FAM161A: variants seen among roughly 807,000 people sequenced by gnomAD.
FAM161A encodes FAM161 centrosomal protein A, also known as protein FAM161A.
A neutral mutation model predicts 70.9 loss-of-function variants in FAM161A; 57 were observed. The ratio of observed to expected loss-of-function variants is 0.80; its 90% confidence interval spans 0.65 to 1.00. FAM161A has a LOEUF of 1.00. FAM161A is among the 50% of genes least tolerant of loss of function. FAM161A has a pLI of 0.00. For missense variants in FAM161A, 880 were observed against 836.0 expected (o/e 1.05, Z -0.65); for synonymous variants, 299 against 295.7 (o/e 1.01, Z -0.12).
chr2:61,810,076 T>C, the FAM161A span, among the ~76,000 whole-genome samples: 1 of 152,190 alleles, frequency 6.6e-6, no homozygotes, highest in African/African-American at 2.4e-5. Context: ...GTCACCCAGT[T>C]GAGTCCAGCC....
chr2:61,848,680 T>C (rs1476080988), intron 1 of FAM161A, among the ~76,000 whole-genome samples: 1 of 149,224 alleles, frequency 6.7e-6, no homozygotes, highest in Non-Finnish European at 1.5e-5. Context: ...ACCTGTAATT[T>C]TTGAAAAAAT....
the FAM161A span, among the ~76,000 whole-genome samples, chr2:61,804,772 A>AAGAAAGAAAGAAAG: frequency 4.7e-5 from 6 of 126,818 alleles, no homozygotes; most frequent in African/African-American, 1.6e-4. Context: ...AAGAAAGAGA[A>AAGAAAGAAAGAAAG]AGAAAGAAAG....
In FAM161A at chr2:61,839,437, G is replaced by A. The variant is rs202193201; in HGVS notation, c.1567C>T (p.Arg523Ter). The change falls in exon 3 of 7, where the codon CGA becomes TGA. Residue 523 changes from arginine (R) to a stop codon, truncating the protein, a stop_gained. Coordinates refer to ENST00000404929, the MANE Select transcript of FAM161A (RefSeq NM_001201543.2). LOFTEE classifies it high-confidence loss of function. ...PPVPTVSSRG[R>*]EQAVRRSLEE... is the part of the protein sequence containing the mutation. ...CTTACTTACCTTACGGCTTGTTCTC[G>A]TCCTCTGGAAGATACCGTGGGCACG... 63 of 1,614,124 alleles carry A rather than the reference G, an allele frequency of 3.9e-5. No homozygotes were observed. Among genetic ancestry groups the A allele is most frequent in the Admixed American group, 6.7e-5 (4 of 60,010 alleles).
Position 61,825,106 on chromosome 2 carries a change from T to A in FAM161A, c.*1349A>T, listed in dbSNP as rs886056214. ...CCAGTTTGGAAACACTGCTATTACA[T>A]ACACCTGTATTAGTTCATCCTTTTA... On this transcript the variant is annotated 3_prime_UTR_variant, in exon 7 of 7. Coordinates refer to ENST00000404929, the MANE Select transcript of FAM161A (RefSeq NM_001201543.2). 1 of 452,854 alleles carries A rather than the reference T, an allele frequency of 2.2e-6. No homozygotes were observed. The highest frequency in any genetic ancestry group is 2.4e-5 in the Admixed American group (1 of 42,414). 28.1% of individuals were successfully genotyped at this position (452,854 alleles called of 1,614,324 possible).
rs759193616 is a variant in FAM161A at position 61,839,860 on chromosome 2, G to C, written c.1144C>G (p.Leu382Val). 1.2e-6 allele frequency: 2 copies of C among 1,614,210 alleles called. No homozygotes were observed. The highest frequency in any genetic ancestry group is 8.5e-7 in the Non-Finnish European group (1 of 1,180,038). The change falls in exon 3 of 7, where the codon CTT becomes GTT. Residue 382 changes from leucine to valine, a missense_variant. Coordinates refer to ENST00000404929, the MANE Select transcript of FAM161A (RefSeq NM_001201543.2). ...TCCTGGGCTCTCAGCTGTGTCCTAA[G>C]GTTTCGATAGAGCTCTTCTTCTTTT... ...KLKEEELYRN[L>V]RTQLRAQEHL...
chr2:61,854,057 G>C lies in FAM161A; in HGVS notation c.-16C>G, dbSNP rs184556352. Reference sequence around the variant, plus strand: ...AGGTGGCCATCGCCCCGCCTCCGAGGCCTGAGCGCCTGCGCTGGCCCGGGA... The same window carrying C: ...AGGTGGCCATCGCCCCGCCTCCGAGCCCTGAGCGCCTGCGCTGGCCCGGGA... On this transcript the variant is annotated 5_prime_UTR_variant, in exon 1 of 7. Coordinates refer to ENST00000404929, the MANE Select transcript of FAM161A (RefSeq NM_001201543.2). The C allele has an allele frequency of 2.2e-3, 3,577 of 1,589,852 alleles. 61 individuals are homozygous for C. The African/African-American group carries it at 0.044, about 20-fold the overall frequency.
chr2:61,801,765 T>TGGCCA, the FAM161A span, among the ~76,000 whole-genome samples: 1 of 152,028 alleles, frequency 6.6e-6, no homozygotes, highest in Non-Finnish European at 1.5e-5. Flanking sequence ...TTCACCATGT[T>TGGCCA]GGCCAGGCTG....
chr2:61,837,948 G>A (rs1218577127), intron 4 of FAM161A, among the ~76,000 whole-genome samples: 1 of 152,138 alleles, frequency 6.6e-6, no homozygotes, highest in Non-Finnish European at 1.5e-5. Flanking sequence ...TACTTACCTG[G>A]CTTTGAGGGA....
intron 5 of FAM161A, among the ~76,000 whole-genome samples, chr2:61,831,768 C>G (rs141410080): frequency 6.6e-6 from 1 of 152,256 alleles, no homozygotes; most frequent in East Asian, 1.9e-4. Context: ...GCTTGTCTTT[C>G]AGCAACCTCT....
chr2:61,803,921 G>A, the FAM161A span, among the ~76,000 whole-genome samples: 11 of 152,318 alleles, frequency 7.2e-5, no homozygotes, highest in South Asian at 1.9e-3. Flanking sequence ...AGTGTTCTTA[G>A]ATCTTGCCCA....
the FAM161A span, among the ~76,000 whole-genome samples, chr2:61,805,269 A>G: frequency 6.6e-6 from 1 of 152,192 alleles, no homozygotes. Flanking sequence ...CTCTGCCTTT[A>G]AAAACTCTTG....
intron 5 of FAM161A, among the ~76,000 whole-genome samples, chr2:61,833,393 T>C (rs1304909101): frequency 7.0e-6 from 1 of 142,084 alleles, no homozygotes; most frequent in African/African-American, 2.7e-5. Context: ...GACACTGTAC[T>C]CCAGCCTGGG....
In FAM161A at chr2:61,839,456, G is replaced by A. The variant is rs2105080342; in HGVS notation, c.1548C>T (p.Pro516=). The A allele has an allele frequency of 6.2e-7, 1 of 1,614,094 alleles. No individual in the cohort carries two copies. Among genetic ancestry groups the A allele is most frequent in the Non-Finnish European group, 8.5e-7 (1 of 1,180,024 alleles). ...GTTCTCGTCCTCTGGAAGATACCGT[G>A]GGCACGGGAGGGTTGCAGTTACAAG... The part of the protein sequence containing the change: ...PVPCNCNPPV[P]TVSSRGREQA... The change falls in exon 3 of 7, where the codon CCC becomes CCT. Residue 516 remains proline, a synonymous_variant. Transcript: ENST00000404929.
At chr2:61,802,130 A>G in the FAM161A span, among the ~76,000 whole-genome samples, 1 of 152,228 alleles carries the variant, frequency 6.6e-6, no homozygotes, top group East Asian at 1.9e-4. Context: ...GTTATAGCAC[A>G]TTCCCTAAAA....
intron 4 of FAM161A, chr2:61,836,540 T>G (rs567424226): frequency 6.4e-6 from 1 of 156,702 alleles, no homozygotes; most frequent in Admixed American, 6.4e-5. Context: ...AACAAGACTT[T>G]GCTCTTATTT....
chr2:61,839,309 G>T, intron 3 of FAM161A, 112 bp downstream of exon 3: 1 of 886,516 alleles, frequency 1.1e-6, no homozygotes, highest in Non-Finnish European at 1.8e-6. Context: ...ATATCTTATA[G>T]ATACAATAAT....
At position 61,841,353 on chromosome 2, in the gene FAM161A, C is replaced by T. The variant is rs1013006631; in HGVS notation, c.422+769G>A. Among the ~76,000 whole-genome samples, 8 of 152,162 alleles carry T rather than the reference C, an allele frequency of 5.3e-5. 1 individual carries two copies. The highest frequency in any genetic ancestry group is 1.7e-4 in the African/African-American group (7 of 41,440). On this transcript the variant is annotated intron_variant, in intron 2 of 6. Coordinates refer to ENST00000404929, the MANE Select transcript of FAM161A (RefSeq NM_001201543.2). ...CCAGTCCTGTGAAGTTCCTCACACACGATATGATTTCTCATGCCATCTTGC... is the reference window on the plus strand; with the variant it reads ...CCAGTCCTGTGAAGTTCCTCACACATGATATGATTTCTCATGCCATCTTGC...
At chr2:61,851,924 T>G (rs954940602) in intron 1 of FAM161A, among the ~76,000 whole-genome samples, 1 of 152,146 alleles carries the variant, frequency 6.6e-6, no homozygotes, top group Non-Finnish European at 1.5e-5. Flanking sequence ...AGGTATAATA[T>G]TTGACTTTAC....
chr2:61,836,285 T>C lies in FAM161A; in HGVS notation c.1752-176A>G, dbSNP rs1478025317. 10 of 590,620 alleles carry C rather than the reference T, an allele frequency of 1.7e-5. No homozygotes were observed. In the Admixed American group the frequency reaches 2.2e-4, roughly 13 times the overall value. The allele number at this position is 590,620 out of a possible 1,614,324, so 36.6% of individuals were successfully genotyped here. A position where few individuals can be genotyped will look rare whatever the true frequency, so the allele number is the denominator to read the frequency against. On this transcript the variant is annotated intron_variant, in intron 4 of 6. Transcript: ENST00000404929. The stretch of plus-strand genomic sequence containing the variant: ...AGTTCACAGTTTACCTCGATTCCTC[T>C]TCTATACCGGTTAATTCTCATGGAA...
Sources: allele counts gnomAD v4.1 joint callset (sites outside exome capture counted in the v4.1 genomes callset), GRCh38; gene constraint gnomAD v4.1.1; transcripts MANE v1.5; gene names NCBI Gene and HGNC (gene_info 2026-07-23, HGNC 2026-07-21).